The following DLGAP2 variants were observed in gnomAD, a reference collection of about 807,000 sequenced individuals.
DLGAP2 encodes disks large-associated protein 2.
In DLGAP2, 26 loss-of-function variants were observed where a neutral mutation model predicts 100.3. That is an observed-to-expected ratio of 0.26 (90% confidence interval 0.19 to 0.36). DLGAP2 has a LOEUF of 0.36. Ranked by LOEUF, DLGAP2 falls within the 10% of genes least tolerant of loss-of-function variation. DLGAP2 has a pLI of 1.00. For missense variants in DLGAP2, 1,858 were observed against 1,453.2 expected (o/e 1.28, Z -4.53); for synonymous variants, 886 against 630.1 (o/e 1.41, Z -6.08).
intron 6 of DLGAP2, among the ~76,000 whole-genome samples, chr8:1,583,911 A>T (rs781062428): frequency 5.3e-5 from 8 of 152,054 alleles, no homozygotes; most frequent in Non-Finnish European, 1.0e-4. Flanking sequence ...TCTGACTTGA[A>T]GTCGGCTGTT....
chr8:1,464,788 G>A (rs1226993190), intron 3 of DLGAP2, among the ~76,000 whole-genome samples: 3 of 152,304 alleles, frequency 2.0e-5, no homozygotes, highest in South Asian at 2.1e-4. Flanking sequence ...GCGAAGCACC[G>A]GGACGTAGAG....
intron 3 of DLGAP2, among the ~76,000 whole-genome samples, chr8:1,465,123 G>T (rs983494643): frequency 6.6e-6 from 1 of 152,214 alleles, no homozygotes; most frequent in Non-Finnish European, 1.5e-5. Flanking sequence ...GGTCCCACAG[G>T]GGGAGGGCTG....
intron 2 of DLGAP2, among the ~76,000 whole-genome samples, chr8:1,183,375 C>T (rs1382115283): frequency 1.3e-5 from 2 of 152,130 alleles, no homozygotes; most frequent in Non-Finnish European, 2.9e-5. Context: ...ATAGATGTGG[C>T]AGTGCTTGGT....
intron 6 of DLGAP2, among the ~76,000 whole-genome samples, chr8:1,583,803 G>A (rs147018829): frequency 5.7e-4 from 87 of 152,158 alleles, no homozygotes; most frequent in African/African-American, 2.0e-3. Context: ...GACCCTCCAC[G>A]CGCTGGTTGC....
chr8:822,931 T>G (rs1361687382), intron 1 of DLGAP2, among the ~76,000 whole-genome samples: 1 of 152,108 alleles, frequency 6.6e-6, no homozygotes, highest in East Asian at 1.9e-4. Flanking sequence ...CCTGCCCCAG[T>G]GCCAGTGGGT....
chr8:889,051 G>C (rs1169390299), intron 1 of DLGAP2, among the ~76,000 whole-genome samples: 5 of 152,170 alleles, frequency 3.3e-5, no homozygotes, highest in African/African-American at 9.7e-5. Flanking sequence ...TCAAAGGGGG[G>C]TTGTTCTCTG....
chr8:911,139 A>G (rs1314629826), intron 2 of DLGAP2, among the ~76,000 whole-genome samples: 1 of 152,156 alleles, frequency 6.6e-6, no homozygotes, highest in African/African-American at 2.4e-5. Context: ...CCTCCTAGCA[A>G]CAGAGACCTC....
At chr8:755,040 G>A (rs573676286) in intron 1 of DLGAP2, among the ~76,000 whole-genome samples, 2 of 152,282 alleles carry the variant, frequency 1.3e-5, no homozygotes, top group African/African-American at 2.4e-5. Flanking sequence ...AAGAGGACAC[G>A]AGGGTTTATT....
At chr8:768,544 C>T (rs1018540366) in intron 1 of DLGAP2, among the ~76,000 whole-genome samples, 1 of 151,296 alleles carries the variant, frequency 6.6e-6, no homozygotes, top group Non-Finnish European at 1.5e-5. Context: ...CCTGCCTCAG[C>T]CTCCCGAGTA....
At chr8:1,199,169 G>A (rs73184599) in intron 2 of DLGAP2, among the ~76,000 whole-genome samples, 26,070 of 152,184 alleles carry the variant, frequency 0.17, 2,324 homozygotes, top group Middle Eastern at 0.35. Context: ...TTACTGAAGA[G>A]AATTCTGGGG....
intron 1 of DLGAP2, among the ~76,000 whole-genome samples, chr8:868,657 G>T (rs536089095): frequency 6.6e-6 from 1 of 152,332 alleles, no homozygotes; most frequent in South Asian, 2.1e-4. Context: ...GCTCTTCCAA[G>T]GGTGCGCGGC....
chr8:1,135,848 C>T (rs928895247), intron 2 of DLGAP2, among the ~76,000 whole-genome samples: 1 of 152,260 alleles, frequency 6.6e-6, no homozygotes, highest in Middle Eastern at 3.4e-3. Flanking sequence ...CTCTGCTGAG[C>T]ACGGGGGATT....
chr8:1,560,027 C>T (rs1349064668), intron 5 of DLGAP2, among the ~76,000 whole-genome samples: 1 of 152,218 alleles, frequency 6.6e-6, no homozygotes, highest in Admixed American at 6.5e-5. Flanking sequence ...TGTCCATCTC[C>T]TGTACCGAAT....
chr8:1,151,161 C>G (rs1444557222), intron 2 of DLGAP2, among the ~76,000 whole-genome samples: 1 of 152,170 alleles, frequency 6.6e-6, no homozygotes, highest in Non-Finnish European at 1.5e-5. Context: ...ATTCACTTAA[C>G]CACGTCCCTG....
At chr8:1,429,764 T>C (rs150610278) in intron 3 of DLGAP2, among the ~76,000 whole-genome samples, 1 of 151,204 alleles carries the variant, frequency 6.6e-6, no homozygotes, top group African/African-American at 2.4e-5. Flanking sequence ...CATTTACACA[T>C]AGAGGATATT....
At chr8:1,262,392 C>T (rs1043814926) in intron 3 of DLGAP2, 12 of 152,274 alleles carry the variant, frequency 7.9e-5, no homozygotes, top group African/African-American at 2.6e-4. Context: ...TTATTATTTA[C>T]TGGTACCTTT....
At chr8:1,672,231 T>TTTC (rs1798707936) in intron 10 of DLGAP2, among the ~76,000 whole-genome samples, 1 of 143,192 alleles carries the variant, frequency 7.0e-6, no homozygotes, top group African/African-American at 2.6e-5. Flanking sequence ...ATTTTTAATT[T>TTTC]TTTTTTTTTT....
chr8:1,058,988 C>T (rs541708739), intron 2 of DLGAP2, among the ~76,000 whole-genome samples: 1 of 152,174 alleles, frequency 6.6e-6, no homozygotes, highest in Non-Finnish European at 1.5e-5. Context: ...AGGGCTGTAC[C>T]TTGGGCTGGA....
chr8:1,470,003 G>GA (rs11441796), intron 3 of DLGAP2, among the ~76,000 whole-genome samples: 67,132 of 148,774 alleles, frequency 0.45, 15,559 homozygotes, highest in African/African-American at 0.52. Flanking sequence ...AAAAAAAAAA[G>GA]AAAAAAAAAT....
Sources: gnomAD v4.1 joint callset for allele counts (sites outside exome capture counted in the v4.1 genomes callset) on GRCh38, gnomAD v4.1.1 for gene constraint, MANE v1.5 for transcripts, NCBI Gene and HGNC (gene_info 2026-07-23, HGNC 2026-07-21) for gene names.